The following TRPM6 variants were observed in gnomAD, a reference collection of about 807,000 sequenced individuals.
TRPM6 encodes the protein transient receptor potential cation channel subfamily M member 6, also known as channel kinase 2.
TRPM6 carries 111 observed loss-of-function variants against 247.6 expected under a neutral mutation model. The observed-to-expected ratio is 0.45, with a 90% CI of 0.38 to 0.52. The LOEUF (loss-of-function observed/expected upper bound fraction) is 0.52, where lower values mean the gene tolerates loss of function less well. Among genes scored for constraint, TRPM6 ranks in the 20% least tolerant of loss-of-function variants. The pLI is 0.00. For missense variants in TRPM6, 2,126 were observed against 2,421.5 expected, an observed-to-expected ratio of 0.88 and a Z score of 2.56; for synonymous variants, 892 against 853.8, an observed-to-expected ratio of 1.04 and a Z score of -0.78.
intron 6 of TRPM6, among the ~76,000 whole-genome samples, chr9:74,829,096 C>T (rs931355368): frequency 6.6e-6 from 1 of 152,018 alleles, no homozygotes; most frequent in East Asian, 1.9e-4. Flanking sequence ...AGTTCGAGAC[C>T]AGCCTGGCCA....
intron 36 of TRPM6, among the ~76,000 whole-genome samples, chr9:74,736,611 C>T (rs1825704583): frequency 6.6e-6 from 1 of 152,162 alleles, no homozygotes; most frequent in Non-Finnish European, 1.5e-5. Flanking sequence ...TTCCATACAT[C>T]CAGGTCTAAC....
intron 17 of TRPM6, among the ~76,000 whole-genome samples, chr9:74,799,656 A>T (rs901228348): frequency 1.3e-5 from 2 of 152,184 alleles, no homozygotes; most frequent in African/African-American, 4.8e-5. Context: ...AAAATTCAGT[A>T]AAAAGTCTCA....
Position 74,776,132 on chromosome 9 carries a change from C to G in TRPM6, c.3210-56G>C, listed in dbSNP as rs950831352. 6.8e-6 allele frequency: 10 copies of G among 1,481,126 alleles called. No individual in the cohort carries two copies. The African/African-American group carries it at 6.9e-5, about 10-fold the overall frequency. 91.7% of individuals were successfully genotyped at this position (1,481,126 alleles called of 1,614,324 possible). A position where few individuals can be genotyped will look rare whatever the true frequency, so the allele number is the denominator to read the frequency against. On this transcript the variant is annotated intron_variant, in intron 23 of 38. Transcript: ENST00000360774. ...TTTAATATGAAGTCTTGAAAGGTAA[C>G]AGAGTCTATATTTTCCAACATTTAT...
intron 6 of TRPM6, 128 bp downstream of exon 6, chr9:74,833,870 A>G: frequency 7.8e-7 from 1 of 1,277,570 alleles, no homozygotes. Context: ...AAGCAGCAGA[A>G]AGTCAGGAGT....
chr9:74,852,693 G>A (rs943656926), intron 3 of TRPM6, among the ~76,000 whole-genome samples: 1 of 152,222 alleles, frequency 6.6e-6, no homozygotes, highest in African/African-American at 2.4e-5. Flanking sequence ...GGGTTTCGCA[G>A]TGTTGGCCGG....
At chr9:74,872,259 T>C (rs1831050908) in intron 1 of TRPM6, among the ~76,000 whole-genome samples, 1 of 151,894 alleles carries the variant, frequency 6.6e-6, no homozygotes, top group South Asian at 2.1e-4. Context: ...GTGCTGGAAT[T>C]ACAGGCATGA....
At chr9:74,732,149 T>C (rs999573270) in intron 37 of TRPM6, among the ~76,000 whole-genome samples, 1 of 152,214 alleles carries the variant, frequency 6.6e-6, no homozygotes, top group African/African-American at 2.4e-5. Flanking sequence ...CATCTCTCTA[T>C]AGAATTTAAA....
rs748178238 is a variant in TRPM6, at chr9:74,796,769, G to A, written c.2363C>T (p.Ala788Val). Residue 788 changes from alanine to valine, a missense_variant, in exon 18 of 39, where the codon GCC (alanine) becomes GTC (valine). By Grantham distance (64) the Ala-to-Val change is moderately conservative. This residue lies in a region of TRPM6 where 1,082 missense variants were observed against 1,307.9 expected (regional missense o/e 0.83). Transcript: ENST00000360774. The part of the protein sequence containing the change: ...QFMWYYSDQN[A>V]SSSKESASVK... ...AGAAGCACTTTCTTTGGAACTGCTGGCGTTCTGGTCACTGTAATACCACAT... is the reference window on the plus strand; with the variant it reads ...AGAAGCACTTTCTTTGGAACTGCTGACGTTCTGGTCACTGTAATACCACAT... The A allele has an allele frequency of 6.2e-7, 1 of 1,613,982 alleles. No homozygotes were observed. The highest frequency in any genetic ancestry group is 1.7e-5 in the Admixed American group (1 of 60,026).
intron 1 of TRPM6, among the ~76,000 whole-genome samples, chr9:74,877,126 A>G (rs937899955): frequency 6.6e-6 from 1 of 152,228 alleles, no homozygotes; most frequent in Non-Finnish European, 1.5e-5. Context: ...GTGATTATGT[A>G]AAATAATACA....
chr9:74,843,383 A>G (rs377293392), intron 3 of TRPM6, among the ~76,000 whole-genome samples: 15 of 152,268 alleles, frequency 9.9e-5, no homozygotes, highest in South Asian at 6.2e-4. Context: ...CCTCCCATGA[A>G]TCACGAATGT....
chr9:74,806,963 G>A (rs1248793820), intron 14 of TRPM6, among the ~76,000 whole-genome samples: 1 of 152,238 alleles, frequency 6.6e-6, no homozygotes, highest in Non-Finnish European at 1.5e-5. Flanking sequence ...ACACTGGGCT[G>A]CACCAGCGCC....
chr9:74,887,341 G>T, intron 1 of TRPM6: 1 of 1,390,348 alleles, frequency 7.2e-7, no homozygotes, highest in Non-Finnish European at 9.3e-7. Flanking sequence ...CAGCCGCCTC[G>T]GAAAGCCGCG....
chr9:74,821,326 G>A (rs1307675191), intron 8 of TRPM6, among the ~76,000 whole-genome samples: 2 of 152,010 alleles, frequency 1.3e-5, no homozygotes, highest in Non-Finnish European at 2.9e-5. Flanking sequence ...GGTGCTCTGG[G>A]CCCAACACTG....
chr9:74,806,060 T>C (rs1305410023), intron 14 of TRPM6, among the ~76,000 whole-genome samples: 1 of 152,176 alleles, frequency 6.6e-6, no homozygotes, highest in African/African-American at 2.4e-5. Flanking sequence ...GTACATTTCA[T>C]TTAGAGATAT....
intron 6 of TRPM6, among the ~76,000 whole-genome samples, chr9:74,828,854 C>T (rs1829447455): frequency 1.3e-5 from 2 of 152,034 alleles, no homozygotes; most frequent in Non-Finnish European, 2.9e-5. Flanking sequence ...CATTTCTGTG[C>T]TTACCTTGTT....
At chr9:74,809,707 G>A (rs1483128786) in intron 13 of TRPM6, among the ~76,000 whole-genome samples, 2 of 152,072 alleles carry the variant, frequency 1.3e-5, no homozygotes, top group Admixed American at 6.6e-5. Context: ...GGTGGAGCAC[G>A]ATGGACCATG....
chr9:74,733,664 C>G (rs1268938076), intron 36 of TRPM6, among the ~76,000 whole-genome samples: 2 of 152,142 alleles, frequency 1.3e-5, no homozygotes, highest in Non-Finnish European at 2.9e-5. Context: ...AGGATTAATG[C>G]TGAGCCAAAG....
chr9:74,832,179 A>G lies in TRPM6; in HGVS notation c.669+1819T>C, dbSNP rs543925660. On this transcript the variant is annotated intron_variant, in intron 6 of 38. Transcript: ENST00000360774. ...AAGAAACATGCTAAACACCACTACA[A>G]AAGATTAAATCTGGAAAATCCAAGC... 9.8e-5 allele frequency among the ~76,000 whole-genome samples: 15 copies of G among 152,312 alleles called. No homozygotes were observed. In the South Asian group the frequency reaches 2.9e-3, roughly 29 times the overall value.
At chr9:74,881,114 G>A (rs1404497497) in intron 1 of TRPM6, among the ~76,000 whole-genome samples, 5 of 151,986 alleles carry the variant, frequency 3.3e-5, no homozygotes, top group Non-Finnish European at 7.4e-5. Context: ...GGTCAACGTA[G>A]CGAGATCCCA....
Sources: gnomAD v4.1 joint callset for allele counts (sites outside exome capture counted in the v4.1 genomes callset) on GRCh38, gnomAD v4.1.1 for gene constraint, gnomAD v4.1.1 regional missense constraint, MANE v1.5 for transcripts, NCBI Gene and HGNC (gene_info 2026-07-23, HGNC 2026-07-21) for gene names.